Variants in PIK3R3 observed in about 807,000 individuals in gnomAD.
The protein encoded by PIK3R3 is phosphoinositide-3-kinase regulatory subunit 3, also known as phosphatidylinositol 3-kinase regulatory subunit gamma.
In PIK3R3, 64 loss-of-function variants were observed where a neutral mutation model predicts 62.9. The ratio of observed to expected loss-of-function variants is 1.02; its 90% CI spans 0.83 to 1.25. The LOEUF (loss-of-function observed/expected upper bound fraction) is 1.25. Ranked by LOEUF, PIK3R3 falls within the 50% of genes most tolerant of loss-of-function variation. The pLI is 0.00. For synonymous variants in PIK3R3, 165 were observed against 189.0 expected (o/e 0.87, Z 1.04); for missense variants, 614 against 561.6 (o/e 1.09, Z -0.94).
At chr1:46,148,671 A>G in the PIK3R3 span, among the ~76,000 whole-genome samples, 1 of 152,062 alleles carries the variant, frequency 6.6e-6, no homozygotes, top group African/African-American at 2.4e-5. Context: ...GCATTTCTCA[A>G]ATAAAATCTG....
intron 1 of PIK3R3, among the ~76,000 whole-genome samples, chr1:46,108,023 T>G (rs938979119): frequency 6.6e-6 from 1 of 152,218 alleles, no homozygotes; most frequent in Non-Finnish European, 1.5e-5. Flanking sequence ...GAACTAATAA[T>G]CTCTGTCAAA....
chr1:46,059,007 C>A (rs1446608026), intron 6 of PIK3R3, among the ~76,000 whole-genome samples: 1 of 152,178 alleles, frequency 6.6e-6, no homozygotes, highest in African/African-American at 2.4e-5. Flanking sequence ...GTGGGAGGGA[C>A]CAAGGTGAAA....
chr1:46,135,337 CCTTT>C (rs1431707151), upstream of PIK3R3, among the ~76,000 whole-genome samples: 1 of 152,050 alleles, frequency 6.6e-6, no homozygotes, highest in East Asian at 1.9e-4. Context: ...TTGCCCTCTC[CCTTT>C]CTTTTTTTAA....
At chr1:46,098,479 A>G (rs1652352046) in intron 1 of PIK3R3, among the ~76,000 whole-genome samples, 1 of 152,238 alleles carries the variant, frequency 6.6e-6, no homozygotes, top group South Asian at 2.1e-4. Flanking sequence ...GGGAAAACAA[A>G]TATCCACAGA....
At chr1:46,073,449 C>G (rs1421793422) in intron 3 of PIK3R3, among the ~76,000 whole-genome samples, 5 of 152,124 alleles carry the variant, frequency 3.3e-5, no homozygotes, top group African/African-American at 1.2e-4. Flanking sequence ...TGGACTCACC[C>G]AGTGTAAATA....
the PIK3R3 span, among the ~76,000 whole-genome samples, chr1:46,144,079 A>C: frequency 6.6e-6 from 1 of 152,176 alleles, no homozygotes; most frequent in South Asian, 2.1e-4. Context: ...GCCTAGGCTA[A>C]ATTGATTAGA....
Position 46,055,966 on chromosome 1 carries a change from A to G in PIK3R3, c.770T>C (p.Met257Thr). 15 of 1,582,504 alleles carry G rather than the reference A, an allele frequency of 9.5e-6. No homozygotes were observed. Among genetic ancestry groups the G allele is most frequent in the Non-Finnish European group, 1.3e-5 (15 of 1,164,796 alleles). Residue 257 changes from methionine (M) to threonine (T), a missense_variant, in exon 7 of 10, where the codon ATG (methionine) becomes ACG (threonine). Met to Thr is a moderately conservative substitution (Grantham distance 81). Coordinates refer to ENST00000262741, the MANE Select transcript of PIK3R3 (RefSeq NM_003629.4). ...TGATTTCAATTTATCATAATTCATC[A>G]TAATTCTGTAAAAATATTTGACATG... The part of the protein sequence containing the change: ...EGNEKEIERI[M>T]MNYDKLKSRL...
chr1:46,147,845 G>A, the PIK3R3 span, among the ~76,000 whole-genome samples: 1 of 152,044 alleles, frequency 6.6e-6, no homozygotes, highest in African/African-American at 2.4e-5. Flanking sequence ...CATCCATGTG[G>A]GTCAGCAATT....
chr1:46,043,750 A>C lies in PIK3R3; in HGVS notation c.1309T>G (p.Leu437Val). ...ELVLHYQQTS[L>V]VQHNDSLNVR... ...TTGAGGGAGTCGTTGTGCTGAACCA[A>C]GGATGTCTGCTGGTAATGGAGCACT... The change falls in exon 10 of 10, where the codon TTG becomes GTG. Residue 437 changes from leucine to valine, a missense_variant. Transcript: ENST00000262741. The C allele has an allele frequency of 6.2e-7, 1 of 1,614,212 alleles. No homozygotes were observed. Among genetic ancestry groups the C allele is most frequent in the Non-Finnish European group, 8.5e-7 (1 of 1,180,024 alleles).
chr1:46,132,377 G>C lies in PIK3R3; in HGVS notation c.-425C>G. 3.6e-6 allele frequency: 4 copies of C among 1,121,454 alleles called. No individual in the cohort carries two copies. Among genetic ancestry groups the C allele is most frequent in the Non-Finnish European group, 4.4e-6 (4 of 908,272 alleles). The allele number at this position is 1,121,454 out of a possible 1,614,324, so 69.5% of individuals were successfully genotyped here. On this transcript the variant is annotated 5_prime_UTR_variant, in exon 1 of 10. Coordinates refer to ENST00000262741, the MANE Select transcript of PIK3R3 (RefSeq NM_003629.4). ...AAAAAGAACACGTTGGGAGAAACCCGGGCAAGTGACAAAGGAAGGCAAAAA... is the reference window on the plus strand; with the variant it reads ...AAAAAGAACACGTTGGGAGAAACCCCGGCAAGTGACAAAGGAAGGCAAAAA...
the PIK3R3 span, among the ~76,000 whole-genome samples, chr1:46,171,681 T>C: frequency 6.6e-6 from 1 of 151,970 alleles, no homozygotes; most frequent in African/African-American, 2.4e-5. Flanking sequence ...TTCCTGTGCC[T>C]GAGTCAGACT....
Position 46,043,710 on chromosome 1 carries a change from TAGGCA to T in PIK3R3, c.1344_1348del (p.Ala449ProfsTer31). On this transcript the variant is annotated frameshift_variant, in exon 10 of 10. Coordinates refer to ENST00000262741, the MANE Select transcript of PIK3R3 (RefSeq NM_003629.4). LOFTEE classifies it high-confidence loss of function. ...CGAGGGCATCTGTGCATGAACAGGGTAGGCAAGCCTGACGTTGAGGGAGTCGTTGT... is the reference window on the plus strand; with the variant it reads ...CGAGGGCATCTGTGCATGAACAGGGTAGCCTGACGTTGAGGGAGTCGTTGT... 1 of 1,614,216 alleles carries T rather than the reference TAGGCA, an allele frequency of 6.2e-7. No individual in the cohort carries two copies. Among genetic ancestry groups the T allele is most frequent in the Non-Finnish European group, 8.5e-7 (1 of 1,180,036 alleles).
chr1:46,168,012 T>C, the PIK3R3 span, among the ~76,000 whole-genome samples: 1 of 151,950 alleles, frequency 6.6e-6, no homozygotes, highest in Admixed American at 6.6e-5. Flanking sequence ...CAAAATTAGC[T>C]GTGTGTGGTG....
At chr1:46,136,045 A>G (rs1655917915), upstream of PIK3R3, among the ~76,000 whole-genome samples, 9 of 151,676 alleles carry the variant, frequency 5.9e-5, no homozygotes, top group South Asian at 1.9e-3. Flanking sequence ...AAAAAAAAAA[A>G]AAAGCCTTGC....
At chr1:46,171,238 C>T in the PIK3R3 span, among the ~76,000 whole-genome samples, 1 of 152,190 alleles carries the variant, frequency 6.6e-6, no homozygotes, top group Non-Finnish European at 1.5e-5. Flanking sequence ...ACTCAGTCTA[C>T]TCCCTCTCTA....
the PIK3R3 span, among the ~76,000 whole-genome samples, chr1:46,173,893 TAGGGGAGGGAGGCTTCTGGGTCCC>T: frequency 6.6e-6 from 1 of 151,832 alleles, no homozygotes; most frequent in African/African-American, 2.4e-5. Context: ...CACACTCATA[TAGGGGAGGGAGGCTTCTGGGTCCC>T]AGGGCCGCAG....
intron 1 of PIK3R3, among the ~76,000 whole-genome samples, chr1:46,097,032 T>C (rs1296759024): frequency 6.6e-6 from 1 of 151,264 alleles, no homozygotes; most frequent in African/African-American, 2.4e-5. Flanking sequence ...CAATATCCTT[T>C]ATGAACACGG....
In PIK3R3 at chr1:46,104,852, C is replaced by T. The variant is rs147070815; in HGVS notation, c.107-24102G>A. 4.2e-4 allele frequency: 175 copies of T among 417,632 alleles called. 2 individuals are homozygous for T. The highest frequency in any genetic ancestry group is 3.1e-3 in the African/African-American group (148 of 47,338). The allele number at this position is 417,632 out of a possible 1,614,324, so 25.9% of individuals were successfully genotyped here. On this transcript the variant is annotated intron_variant, in intron 1 of 9. Coordinates refer to ENST00000262741, the MANE Select transcript of PIK3R3 (RefSeq NM_003629.4). ...GAAGCTAAGGCAGGGAACTTGAACC[C>T]GGGATGTGGAGGTTGCAGTGAGCCA...
Position 46,042,032 on chromosome 1 carries a change from G to C in PIK3R3, c.*1641C>G. On this transcript the variant is annotated 3_prime_UTR_variant, in exon 10 of 10. Coordinates refer to ENST00000262741, the MANE Select transcript of PIK3R3 (RefSeq NM_003629.4). The surrounding 1 kb of genome is among the most constrained non-coding windows in gnomAD (Gnocchi z 4.3). ...CTTATAAACCAAGATGCAGGTACTG[G>C]CTTCTCTAGCTCAGCCAGGGTGCCT... 4.5e-6 allele frequency: 1 copy of C among 222,624 alleles called. No individual in the cohort carries two copies. The highest frequency in any genetic ancestry group is 9.0e-6 in the Non-Finnish European group (1 of 111,332). 13.8% of individuals were successfully genotyped at this position (222,624 alleles called of 1,614,324 possible). A position where few individuals can be genotyped will look rare whatever the true frequency, so the allele number is the denominator to read the frequency against.
Sources: gnomAD v4.1 joint callset for allele counts (sites outside exome capture counted in the v4.1 genomes callset) on GRCh38, gnomAD v4.1.1 for gene constraint, Gnocchi (gnomAD v3.1) non-coding constraint, MANE v1.5 for transcripts, NCBI Gene and HGNC (gene_info 2026-07-23, HGNC 2026-07-21) for gene names.